Variants in SNTG1 observed in about 807,000 individuals in gnomAD.
SNTG1 encodes gamma-1-syntrophin.
In SNTG1, 39 loss-of-function variants were observed where a neutral mutation model predicts 74.7. That is an observed-to-expected ratio of 0.52 (90% CI 0.40 to 0.68). SNTG1 has a LOEUF of 0.68. Among genes scored for constraint, SNTG1 ranks in the 30% least tolerant of loss-of-function variants. SNTG1 has a pLI of 0.00. For missense variants in SNTG1, 685 were observed against 609.5 expected, an observed-to-expected ratio of 1.12 and a Z score of -1.30; for synonymous variants, 254 against 217.1, an observed-to-expected ratio of 1.17 and a Z score of -1.49.
At chr8:50,545,244 T>C (rs6473214) in intron 11 of SNTG1, among the ~76,000 whole-genome samples, 3 of 151,456 alleles carry the variant, frequency 2.0e-5, no homozygotes, top group Non-Finnish European at 3.0e-5. Flanking sequence ...CATCATGATA[T>C]TTTTATCAGT....
chr8:50,743,637 G>C (rs1183164496), intron 17 of SNTG1, among the ~76,000 whole-genome samples: 1 of 149,178 alleles, frequency 6.7e-6, no homozygotes, highest in Non-Finnish European at 1.5e-5. Flanking sequence ...TTTAGCCAGA[G>C]CTATTAGGCA....
intron 1 of SNTG1, among the ~76,000 whole-genome samples, chr8:50,037,087 T>A (rs1473075130): frequency 2.6e-5 from 4 of 152,252 alleles, no homozygotes; most frequent in Non-Finnish European, 4.4e-5. Flanking sequence ...CTTCCTCCCT[T>A]CCTAATTAAG....
At chr8:50,080,250 T>C (rs964690904) in intron 1 of SNTG1, among the ~76,000 whole-genome samples, 2 of 152,188 alleles carry the variant, frequency 1.3e-5, no homozygotes, top group Non-Finnish European at 2.9e-5. Flanking sequence ...TGTCTTAAAA[T>C]CTATTTTGTC....
At chr8:50,152,951 T>A (rs1239078047) in intron 1 of SNTG1, among the ~76,000 whole-genome samples, 1 of 152,294 alleles carries the variant, frequency 6.6e-6, no homozygotes, top group Non-Finnish European at 1.5e-5. Context: ...AATGTTGGCC[T>A]GCCTTGCTAG....
rs115009376 is a variant in SNTG1 at position 50,265,267 on chromosome 8, C to T, written c.-28+92632C>T. Among the ~76,000 whole-genome samples the T allele has an allele frequency of 2.8e-3, 422 of 152,132 alleles. 4 individuals carry two copies. Among genetic ancestry groups the T allele is most frequent in the African/African-American group, 9.4e-3 (391 of 41,516 alleles). On this transcript the variant is annotated intron_variant, in intron 2 of 18. Coordinates refer to ENST00000642720, the MANE Select transcript of SNTG1 (RefSeq NM_018967.5). Reference sequence around the variant, plus strand: ...GAAAATCAATCCCAGCAACACATAGCATTATATTCCACAACCCGGTATCAC... The same window carrying T: ...GAAAATCAATCCCAGCAACACATAGTATTATATTCCACAACCCGGTATCAC...
chr8:50,278,946 CATTTTGATAT>C (rs567451302), intron 2 of SNTG1, among the ~76,000 whole-genome samples: 1 of 152,160 alleles, frequency 6.6e-6, no homozygotes, highest in South Asian at 2.1e-4. Flanking sequence ...TTTGAGGGAT[CATTTTGATAT>C]TGTCATTGTT....
At chr8:50,240,429 A>T (rs146965858) in intron 2 of SNTG1, among the ~76,000 whole-genome samples, 28 of 152,362 alleles carry the variant, frequency 1.8e-4, no homozygotes, top group African/African-American at 6.0e-4. Flanking sequence ...TTAAAATTCC[A>T]GTAAGTCTCT....
chr8:49,957,822 C>A (rs771169869), intron 1 of SNTG1, among the ~76,000 whole-genome samples: 15 of 152,020 alleles, frequency 9.9e-5, no homozygotes, highest in African/African-American at 3.6e-4. Flanking sequence ...TTTTAAAAGC[C>A]AGGCATGGTG....
intron 15 of SNTG1, among the ~76,000 whole-genome samples, chr8:50,665,581 T>C (rs2095246974): frequency 6.6e-6 from 1 of 152,080 alleles, no homozygotes; most frequent in Non-Finnish European, 1.5e-5. Context: ...AGAGAAATGT[T>C]TGATGGCTGG....
chr8:50,070,457 A>AT (rs375216478), intron 1 of SNTG1, among the ~76,000 whole-genome samples: 5 of 152,016 alleles, frequency 3.3e-5, no homozygotes, highest in Admixed American at 6.6e-5. Context: ...ATTCAATCTG[A>AT]TTTTTTTTCC....
intron 2 of SNTG1, among the ~76,000 whole-genome samples, chr8:50,324,480 G>A (rs1480222245): frequency 6.6e-6 from 1 of 152,160 alleles, no homozygotes; most frequent in African/African-American, 2.4e-5. Context: ...TTTTCTGCAT[G>A]TGGTTGGTTG....
chr8:50,004,942 T>G lies in SNTG1; in HGVS notation c.-103+92711T>G, dbSNP rs536806363. Among the ~76,000 whole-genome samples, 18 of 152,292 alleles carry G rather than the reference T, an allele frequency of 1.2e-4. No homozygotes were observed. In the East Asian group the frequency reaches 3.5e-3, roughly 29 times the overall value. ...AGATTATTGCACTGCTGAATTAAAC[T>G]GCGCATGAAACCTCCCTGACTGTTG... On this transcript the variant is annotated intron_variant, in intron 1 of 18. Coordinates refer to ENST00000642720, the MANE Select transcript of SNTG1 (RefSeq NM_018967.5).
chr8:50,566,062 G>T (rs981448264), intron 12 of SNTG1, among the ~76,000 whole-genome samples: 1 of 151,758 alleles, frequency 6.6e-6, no homozygotes, highest in Non-Finnish European at 1.5e-5. Context: ...TTAAGGATAG[G>T]TCTTTAATTT....
intron 13 of SNTG1, among the ~76,000 whole-genome samples, chr8:50,600,255 AT>A (rs545758994): frequency 0.018 from 2,722 of 149,704 alleles, 39 homozygotes; most frequent in Middle Eastern, 0.031. Context: ...TTGGCCTGTA[AT>A]TTTTTTTTTC....
chr8:50,635,733 G>T (rs1447176098), intron 13 of SNTG1, among the ~76,000 whole-genome samples: 2 of 152,196 alleles, frequency 1.3e-5, no homozygotes, highest in Non-Finnish European at 2.9e-5. Context: ...TGCCATCCAA[G>T]GGCCAAGGCC....
chr8:50,711,313 T>C (rs1033486851), intron 17 of SNTG1, among the ~76,000 whole-genome samples: 1 of 151,890 alleles, frequency 6.6e-6, no homozygotes, highest in Non-Finnish European at 1.5e-5. Flanking sequence ...TGTCCAAGAG[T>C]TTTTGAATGT....
chr8:50,384,778 A>G (rs2092547915), intron 2 of SNTG1, among the ~76,000 whole-genome samples: 1 of 152,172 alleles, frequency 6.6e-6, no homozygotes, highest in East Asian at 1.9e-4. Context: ...ATGGAGCAAG[A>G]GTGGAAACCA....
chr8:50,527,949 C>A (rs917558273), intron 9 of SNTG1, among the ~76,000 whole-genome samples: 1 of 151,732 alleles, frequency 6.6e-6, no homozygotes, highest in East Asian at 1.9e-4. Context: ...TTTAAAACTT[C>A]ATTGTCCAGT....
At position 50,467,514 on chromosome 8, in the gene SNTG1, G is replaced by A. The variant is rs1048536162; in HGVS notation, c.363+16785G>A. 2.6e-5 allele frequency among the ~76,000 whole-genome samples: 4 copies of A among 151,724 alleles called. No homozygotes were observed. In the Middle Eastern group the frequency reaches 0.01, roughly 387 times the overall value. ...CTTTCATTTCTGACACTGGTAATTT[G>A]TATCTTTCTCTCTTTATTTCTTGGT... is the stretch of plus-strand genomic sequence containing the variant. On this transcript the variant is annotated intron_variant, in intron 8 of 18. Transcript: ENST00000642720.
Sources: allele counts gnomAD v4.1 joint callset (sites outside exome capture counted in the v4.1 genomes callset), GRCh38; gene constraint gnomAD v4.1.1; transcripts MANE v1.5; gene names NCBI Gene and HGNC (gene_info 2026-07-23, HGNC 2026-07-21).